PRDM16: variants seen among roughly 807,000 people sequenced by gnomAD.
The protein encoded by PRDM16 is histone-lysine N-methyltransferase PRDM16.
Under a neutral mutation model 110.6 loss-of-function variants are expected in PRDM16, and 23 were observed. The observed-to-expected ratio is 0.21, with a 90% CI of 0.15 to 0.29. The LOEUF (loss-of-function observed/expected upper bound fraction) is 0.29, where lower values mean the gene tolerates loss of function less well. PRDM16 is among the 10% of genes least tolerant of loss of function. PRDM16 has a pLI of 1.00. For synonymous variants in PRDM16, 799 were observed against 781.8 expected, an observed-to-expected ratio of 1.02 and a Z score of -0.37; for missense variants, 1,615 against 1,794.3, an observed-to-expected ratio of 0.90 and a Z score of 1.81.
chr1:3,426,218 G>T lies in PRDM16; in HGVS notation c.3277G>T (p.Glu1093Ter). Residue 1093 changes from glutamate to a stop codon, truncating the protein, a stop_gained, in exon 14 of 17, where the codon GAG becomes TAG. Coordinates refer to ENST00000270722, the MANE Select transcript of PRDM16 (RefSeq NM_022114.4). LOFTEE classifies it high-confidence loss of function. ...GATGAACCAAGCATCAACGCGAACA[G>T]AGAAACGGTAAGAAAACTATCGCGG... ...SEMNQASTRT[E>*]KRADMQIVDG... 6.2e-7 allele frequency: 1 copy of T among 1,612,964 alleles called. No homozygotes were observed. The highest frequency in any genetic ancestry group is 1.1e-5 in the South Asian group (1 of 90,998).
chr1:3,226,819 G>T (rs577816947), intron 2 of PRDM16, among the ~76,000 whole-genome samples: 2 of 152,272 alleles, frequency 1.3e-5, no homozygotes, highest in South Asian at 4.2e-4. Context: ...GAATGAGAAC[G>T]GTGTCGGCTA....
intron 1 of PRDM16, among the ~76,000 whole-genome samples, chr1:3,133,909 C>T (rs1359637958): frequency 6.6e-6 from 1 of 152,274 alleles, no homozygotes; most frequent in African/African-American, 2.4e-5. Context: ...TGGACCTCGC[C>T]TTGCTCAAAA....
chr1:3,178,951 C>T (rs1644121100), intron 1 of PRDM16, among the ~76,000 whole-genome samples: 2 of 152,212 alleles, frequency 1.3e-5, no homozygotes, highest in African/African-American at 4.8e-5. Context: ...TCCGGTCCCA[C>T]CTCGCTCCAA....
Position 3,260,969 on chromosome 1 carries a change from G to A in PRDM16, c.438+16832G>A, listed in dbSNP as rs1274716092. Among the ~76,000 whole-genome samples, 4 of 151,250 alleles carry A rather than the reference G, an allele frequency of 2.6e-5. No homozygotes were observed. The South Asian group carries it at 8.4e-4, about 32-fold the overall frequency. On this transcript the variant is annotated intron_variant, in intron 3 of 16. Transcript: ENST00000270722. ...TCCATCATCAACCAGCGTGACCTGGGACAAGTCACTTAACCTCTCAGGGCC... is the reference window on the plus strand; with the variant it reads ...TCCATCATCAACCAGCGTGACCTGGAACAAGTCACTTAACCTCTCAGGGCC...
At chr1:3,428,420 AC>A (rs1264320110) in intron 14 of PRDM16, among the ~76,000 whole-genome samples, 1 of 152,162 alleles carries the variant, frequency 6.6e-6, no homozygotes, top group African/African-American at 2.4e-5. Context: ...CCTGCTTCTC[AC>A]AGCCCTAGGG....
In PRDM16 at chr1:3,204,350, C is replaced by G. The variant is rs144644513; in HGVS notation, c.387+17876C>G. Among the ~76,000 whole-genome samples, 36 of 151,738 alleles carry G rather than the reference C, an allele frequency of 2.4e-4. No individual in the cohort carries two copies. In the East Asian group the frequency reaches 6.4e-3, roughly 27 times the overall value. ...CCGCAGGGCTCCTACAACTTTCAGA[C>G]AGAAAAAAAAATTGATTTGGAGGTA... On this transcript the variant is annotated intron_variant, in intron 2 of 16. Transcript: ENST00000270722.
chr1:3,212,555 T>C (rs1298312373), intron 2 of PRDM16, among the ~76,000 whole-genome samples: 1 of 143,512 alleles, frequency 7.0e-6, no homozygotes, highest in African/African-American at 2.8e-5. Context: ...GCTGGACGCC[T>C]GCACCCCAGA....
In PRDM16 at chr1:3,328,427, T is replaced by G. The variant is rs574793400; in HGVS notation, c.439-56725T>G. Among the ~76,000 whole-genome samples, 5 of 152,264 alleles carry G rather than the reference T, an allele frequency of 3.3e-5. No homozygotes were observed. The East Asian group carries it at 9.7e-4, about 29-fold the overall frequency. ...TGACAGGGCCCTGCCTGTGTCAGCC[T>G]TCCTGGGGGAGGTCTAGCAGCATGC... On this transcript the variant is annotated intron_variant, in intron 3 of 16. Coordinates refer to ENST00000270722, the MANE Select transcript of PRDM16 (RefSeq NM_022114.4).
intron 1 of PRDM16, among the ~76,000 whole-genome samples, chr1:3,136,318 C>T (rs1488945411): frequency 6.6e-6 from 1 of 152,238 alleles, no homozygotes; most frequent in Non-Finnish European, 1.5e-5. Flanking sequence ...GCACTGAGTC[C>T]TCAGACCCGC....
At chr1:3,317,402 C>CT (rs1434748647) in intron 3 of PRDM16, among the ~76,000 whole-genome samples, 1 of 152,236 alleles carries the variant, frequency 6.6e-6, no homozygotes, top group Non-Finnish European at 1.5e-5. Context: ...TTCTGTCCAG[C>CT]AGCCGCTGCA....
At chr1:3,373,438 A>T (rs1307204461) in intron 3 of PRDM16, among the ~76,000 whole-genome samples, 2 of 152,178 alleles carry the variant, frequency 1.3e-5, no homozygotes, top group African/African-American at 4.8e-5. Context: ...TTCGGGGGGA[A>T]GTCCCAGGCC....
chr1:3,139,774 TG>T (rs2100698945), intron 1 of PRDM16, among the ~76,000 whole-genome samples: 2 of 152,358 alleles, frequency 1.3e-5, no homozygotes, highest in South Asian at 4.1e-4. Context: ...GAAAGGGAGC[TG>T]CTCCCGTCAA....
At chr1:3,218,079 C>T (rs747779032) in intron 2 of PRDM16, among the ~76,000 whole-genome samples, 20 of 152,220 alleles carry the variant, frequency 1.3e-4, no homozygotes, top group Non-Finnish European at 2.2e-4. Context: ...TCCCATCCCT[C>T]GCCACAAAAC....
rs376835158 is a variant in PRDM16 at position 3,432,075 on chromosome 1, G to A, written c.3631G>A (p.Val1211Met). Residue 1211 changes from valine (V) to methionine (M), a missense_variant, in exon 16 of 17, where the codon GTG (valine) becomes ATG (methionine). Transcript: ENST00000270722. ...AAEEAFEVKD[V>M]LNSTLDSEAL... ...TGAGGAAGCATTTGAAGTTAAAGAT[G>A]TGCTTAATTCCACCTTAGATTCTGA... 11 of 1,613,994 alleles carry A rather than the reference G, an allele frequency of 6.8e-6. No homozygotes were observed. The highest frequency in any genetic ancestry group is 5.3e-5 in the African/African-American group (4 of 74,912).
intron 8 of PRDM16, among the ~76,000 whole-genome samples, chr1:3,409,023 G>A (rs1219244316): frequency 1.3e-5 from 2 of 151,576 alleles, no homozygotes; most frequent in Non-Finnish European, 2.9e-5. Flanking sequence ...GGGCATGTCA[G>A]TGTGTGTGAG....
intron 1 of PRDM16, among the ~76,000 whole-genome samples, chr1:3,074,234 C>G (rs920942834): frequency 1.3e-5 from 2 of 152,140 alleles, no homozygotes; most frequent in Admixed American, 6.5e-5. Flanking sequence ...CGAGCAGGCA[C>G]CACTTTTGAG....
chr1:3,296,999 C>T (rs184928851), intron 3 of PRDM16, among the ~76,000 whole-genome samples: 1 of 152,316 alleles, frequency 6.6e-6, no homozygotes, highest in African/African-American at 2.4e-5. Flanking sequence ...AAAGTGTTGG[C>T]TGTCCCACAT....
At chr1:3,099,158 A>G (rs1253772132) in intron 1 of PRDM16, among the ~76,000 whole-genome samples, 1 of 152,206 alleles carries the variant, frequency 6.6e-6, no homozygotes, top group Non-Finnish European at 1.5e-5. Context: ...GGCTCCACAC[A>G]TGGCCCCTGG....
chr1:3,237,686 G>A (rs116334273), intron 2 of PRDM16, among the ~76,000 whole-genome samples: 521 of 152,354 alleles, frequency 3.4e-3, no homozygotes, highest in African/African-American at 0.011. Context: ...AGATGCGCGC[G>A]GGGCCAGCCT....
Sources: allele counts gnomAD v4.1 joint callset (sites outside exome capture counted in the v4.1 genomes callset), GRCh38; gene constraint gnomAD v4.1.1; transcripts MANE v1.5; gene names NCBI Gene and HGNC (gene_info 2026-07-23, HGNC 2026-07-21).